Variants in UNC79 observed in about 807,000 individuals in gnomAD.
UNC79 encodes unc-79 subunit of NALCN channel complex.
Under a neutral mutation model 283.1 loss-of-function variants are expected in UNC79, and 37 were observed. That is an observed-to-expected ratio of 0.13 (90% confidence interval 0.10 to 0.17). The LOEUF is 0.17. UNC79 is among the 10% of genes least tolerant of loss of function. The probability of loss-of-function intolerance (pLI) is 1.00; values close to 1 mark genes in which losing one functional copy is unlikely to be tolerated. For synonymous variants in UNC79, 1,107 were observed against 1,200.2 expected (o/e 0.92, Z 1.61); for missense variants, 2,272 against 3,211.1 (o/e 0.71, Z 7.07).
At chr14:93,428,816 G>A (rs1459430049), upstream of UNC79, among the ~76,000 whole-genome samples, 2 of 152,088 alleles carry the variant, frequency 1.3e-5, no homozygotes, top group African/African-American at 2.4e-5. Context: ...TAAGGCAGTC[G>A]AGGCATGGAG....
chr14:93,464,066 G>T (rs1255160821), intron 1 of UNC79, among the ~76,000 whole-genome samples: 1 of 152,064 alleles, frequency 6.6e-6, no homozygotes, highest in Non-Finnish European at 1.5e-5. Context: ...GGAGAATGGC[G>T]TGAACCCAGG....
At chr14:93,404,493 A>AAAAAAAAATATATAT in intron 1 of UNC79, among the ~76,000 whole-genome samples, 34 of 61,494 alleles carry the variant, frequency 5.5e-4, no homozygotes, top group South Asian at 9.2e-4. Context: ...TTCTAAAAAA[A>AAAAAAAAATATATAT]ATATATATAT....
intron 1 of UNC79, among the ~76,000 whole-genome samples, chr14:93,346,884 A>T (rs1386092334): frequency 6.6e-6 from 1 of 151,900 alleles, no homozygotes; most frequent in Non-Finnish European, 1.5e-5. Context: ...AAGTGAGGTG[A>T]ATGAGGGCTG....
At chr14:93,665,715 G>GA (rs201797483) in intron 40 of UNC79, among the ~76,000 whole-genome samples, 36 of 149,098 alleles carry the variant, frequency 2.4e-4, no homozygotes, top group Admixed American at 4.0e-4. Context: ...GAAGATAATT[G>GA]AAAAAAAAAG....
intron 40 of UNC79, among the ~76,000 whole-genome samples, chr14:93,665,284 A>G (rs534790866): frequency 1.3e-5 from 2 of 151,496 alleles, no homozygotes; most frequent in East Asian, 3.9e-4. Flanking sequence ...GAAATGAAAA[A>G]CAATCACTGA....
intron 29 of UNC79, among the ~76,000 whole-genome samples, chr14:93,620,615 T>C (rs1252676158): frequency 6.6e-6 from 1 of 152,192 alleles, no homozygotes; most frequent in Non-Finnish European, 1.5e-5. Flanking sequence ...TGGAAAAGTT[T>C]CCCAAAAAGG....
intron 47 of UNC79, among the ~76,000 whole-genome samples, chr14:93,701,800 G>A (rs1199440256): frequency 6.6e-6 from 1 of 152,158 alleles, no homozygotes; most frequent in South Asian, 2.1e-4. Context: ...TCCCTTGCAG[G>A]TATATTTTAG....
Position 93,371,720 on chromosome 14 carries a change from G to A in UNC79, c.-351+38197G>A, listed in dbSNP as rs959369729. 9.4e-5 allele frequency among the ~76,000 whole-genome samples: 14 copies of A among 148,502 alleles called. 1 individual carries two copies. Among genetic ancestry groups the A allele is most frequent in the African/African-American group, 1.2e-4 (5 of 40,368 alleles). Reference sequence around the variant, plus strand: ...GCCGGGCGTGGTGGCGGGCGCCTGTGGTCCCAGCTACTCGGGAGGCTGAGG... The same window carrying A: ...GCCGGGCGTGGTGGCGGGCGCCTGTAGTCCCAGCTACTCGGGAGGCTGAGG... On this transcript the variant is annotated intron_variant, in intron 1 of 49. Coordinates refer to the UNC79 transcript ENST00000256339.
chr14:93,571,880 G>T lies in UNC79; in HGVS notation c.1756-14G>T. ...TTTCATTCTTTTCCCCTGTGGCTATGGAAACCTCTTCAGGTTGGTGGCTAC... is the reference window on the plus strand; with the variant it reads ...TTTCATTCTTTTCCCCTGTGGCTATTGAAACCTCTTCAGGTTGGTGGCTAC... On this transcript the variant is annotated splice_polypyrimidine_tract_variant and intron_variant, in intron 14 of 48. Coordinates refer to ENST00000555664, the Ensembl canonical transcript of UNC79. The T allele has an allele frequency of 6.2e-7, 1 of 1,613,646 alleles. No individual in the cohort carries two copies. The highest frequency in any genetic ancestry group is 8.5e-7 in the Non-Finnish European group (1 of 1,179,716).
At chr14:93,477,041 G>A (rs1224738794) in intron 3 of UNC79, among the ~76,000 whole-genome samples, 1 of 152,164 alleles carries the variant, frequency 6.6e-6, no homozygotes, top group East Asian at 1.9e-4. Context: ...GATCATTGAT[G>A]ACTCAATGCA....
intron 1 of UNC79, among the ~76,000 whole-genome samples, chr14:93,403,474 C>T (rs2055153193): frequency 6.6e-6 from 1 of 152,210 alleles, no homozygotes; most frequent in South Asian, 2.1e-4. Context: ...ATGCAGTTCC[C>T]TGCTTAACTT....
At chr14:93,401,993 A>G (rs537185323) in intron 1 of UNC79, among the ~76,000 whole-genome samples, 3 of 152,246 alleles carry the variant, frequency 2.0e-5, no homozygotes, top group Non-Finnish European at 4.4e-5. Context: ...GAAATACAGC[A>G]TAGGCCGGGT....
intron 1 of UNC79, among the ~76,000 whole-genome samples, chr14:93,454,226 G>A (rs781076798): frequency 2.6e-5 from 4 of 151,860 alleles, no homozygotes; most frequent in Non-Finnish European, 5.9e-5. Flanking sequence ...ATTTTATTTT[G>A]TTGAGATGGG....
At chr14:93,409,918 G>C (rs540312834) in intron 1 of UNC79, among the ~76,000 whole-genome samples, 4 of 152,124 alleles carry the variant, frequency 2.6e-5, no homozygotes, top group Admixed American at 6.6e-5. Context: ...CTGAATAGAG[G>C]CTTCACCAAT....
chr14:93,691,531 A>T, intron 45 of UNC79: 1 of 589,998 alleles, frequency 1.7e-6, no homozygotes, highest in Non-Finnish European at 3.0e-6. Flanking sequence ...TCTCTTAAAA[A>T]ATGTGCTTTG....
chr14:93,467,449 C>T (rs1033690697), intron 1 of UNC79, among the ~76,000 whole-genome samples: 4 of 72,974 alleles, frequency 5.5e-5, no homozygotes, highest in African/African-American at 1.3e-4. Context: ...TTTTGTGTGC[C>T]GAATACAATT....
chr14:93,490,991 C>T (rs1053443057), intron 5 of UNC79, among the ~76,000 whole-genome samples: 6 of 152,156 alleles, frequency 3.9e-5, no homozygotes, highest in Non-Finnish European at 8.8e-5. Flanking sequence ...ATAAGCAATG[C>T]ACATTTGTTT....
intron 43 of UNC79, 49 bp downstream of exon 46, chr14:93,686,710 G>C: frequency 6.2e-7 from 1 of 1,606,174 alleles, no homozygotes; most frequent in Non-Finnish European, 8.5e-7. Flanking sequence ...AAACAGAGAT[G>C]CTTTGAGAGA....
chr14:93,536,782 C>CTTTTTTTTTT (rs35677025), intron 11 of UNC79, among the ~76,000 whole-genome samples: 2 of 82,432 alleles, frequency 2.4e-5, no homozygotes, highest in Non-Finnish European at 4.7e-5. Context: ...CCACCCCCGG[C>CTTTTTTTTTT]TTTTTTTTTT....
Sources: allele counts gnomAD v4.1 joint callset (sites outside exome capture counted in the v4.1 genomes callset), GRCh38; gene constraint gnomAD v4.1.1; transcripts MANE v1.5; gene names NCBI Gene and HGNC (gene_info 2026-07-23, HGNC 2026-07-21).